Variants in GABRG1 observed in about 807,000 individuals in gnomAD.
GABRG1 encodes the protein gamma-aminobutyric acid receptor subunit gamma-1.
GABRG1 carries 49 observed loss-of-function variants against 49.8 expected under a neutral mutation model. The observed-to-expected ratio is 0.98, with a 90% CI of 0.78 to 1.25. GABRG1 has a LOEUF of 1.25. GABRG1 is among the 50% of genes most tolerant of loss of function. The pLI is 0.00. For synonymous variants in GABRG1, 232 were observed against 185.1 expected (o/e 1.25, Z -2.06); for missense variants, 552 against 552.3 (o/e 1.00, Z 0.01).
intron 8 of GABRG1, 135 bp from the exon 9 acceptor site, chr4:46,041,389 C>A: frequency 1.4e-6 from 1 of 726,106 alleles, no homozygotes; most frequent in African/African-American, 1.8e-5. Context: ...CAAGTATTTT[C>A]AATTATAACA....
At chr4:46,064,585 C>G in intron 4 of GABRG1, 62 bp from the exon 5 acceptor site, 1 of 818,222 alleles carries the variant, frequency 1.2e-6, no homozygotes. Flanking sequence ...TAAAAATCTC[C>G]TGTCTCATTT....
chr4:46,104,488 C>T lies in GABRG1; in HGVS notation c.105-7139G>A, dbSNP rs145609384. 2.5e-3 allele frequency among the ~76,000 whole-genome samples: 377 copies of T among 151,514 alleles called. 1 individual carries two copies. The highest frequency in any genetic ancestry group is 8.9e-3 in the African/African-American group (368 of 41,430). On this transcript the variant is annotated intron_variant, in intron 1 of 8. Coordinates refer to ENST00000295452, the MANE Select transcript of GABRG1 (RefSeq NM_173536.4). Reference sequence around the variant, plus strand: ...ACATTTTAGCATATACCTATGTATCCTTGAATGACACAACGTTACATATAG... The same window carrying T: ...ACATTTTAGCATATACCTATGTATCTTTGAATGACACAACGTTACATATAG...
chr4:46,096,466 A>C lies in GABRG1; in HGVS notation c.253+735T>G, dbSNP rs1461038699. Among the ~76,000 whole-genome samples the C allele has an allele frequency of 2.0e-5, 3 of 151,652 alleles. No individual in the cohort carries two copies. The Admixed American group carries it at 2.0e-4, about 10-fold the overall frequency. On this transcript the variant is annotated intron_variant, in intron 2 of 8. Coordinates refer to ENST00000295452, the MANE Select transcript of GABRG1 (RefSeq NM_173536.4). ...AGAAATTCACTGCCCATATAGATAC[A>C]TAGCAAATACTACTAATATATGATG...
chr4:46,114,853 C>A (rs4591645), intron 1 of GABRG1, among the ~76,000 whole-genome samples: 84,132 of 150,398 alleles, frequency 0.56, 24,913 homozygotes, highest in African/African-American at 0.75. Flanking sequence ...GAAGAAAAAA[C>A]CTTACTCATT....
At chr4:46,104,888 A>G (rs111321920) in intron 1 of GABRG1, among the ~76,000 whole-genome samples, 3 of 151,624 alleles carry the variant, frequency 2.0e-5, no homozygotes, top group African/African-American at 7.2e-5. Flanking sequence ...TGGGATTTGT[A>G]CAAATCCTTA....
chr4:46,097,430 T>G, intron 1 of GABRG1, 81 bp from the exon 2 acceptor site: 1 of 1,355,314 alleles, frequency 7.4e-7, no homozygotes, highest in Non-Finnish European at 1.0e-6. Context: ...TATGTTACAA[T>G]TGAGTAAGAA....
intron 1 of GABRG1, among the ~76,000 whole-genome samples, chr4:46,118,122 G>A (rs867837749): frequency 8.5e-4 from 75 of 88,722 alleles, no homozygotes; most frequent in African/African-American, 4.1e-3. Flanking sequence ...ACATATATAC[G>A]TGTGTGTGTG....
At chr4:46,051,746 A>G (rs946806348) in intron 7 of GABRG1, 108 bp from the exon 8 acceptor site, 4 of 613,906 alleles carry the variant, frequency 6.5e-6, no homozygotes, top group Non-Finnish European at 1.1e-5. Context: ...AAACAAAAAT[A>G]TGATTACTAG....
chr4:46,041,569 T>C (rs1002898635), intron 8 of GABRG1, among the ~76,000 whole-genome samples: 1 of 152,018 alleles, frequency 6.6e-6, no homozygotes, highest in African/African-American at 2.4e-5. Flanking sequence ...GTATATTCTA[T>C]TTTATATTAA....
chr4:46,050,534 T>C (rs1361900055), intron 8 of GABRG1, among the ~76,000 whole-genome samples: 5 of 151,914 alleles, frequency 3.3e-5, no homozygotes, highest in Admixed American at 2.0e-4. Context: ...TTCTCATTTA[T>C]TTGAGTATTT....
intron 3 of GABRG1, among the ~76,000 whole-genome samples, chr4:46,066,328 TAC>T (rs1718921157): frequency 3.3e-5 from 5 of 152,206 alleles, no homozygotes; most frequent in Admixed American, 3.3e-4. Context: ...TATTTATATC[TAC>T]TGTTTTTAAA....
intron 1 of GABRG1, among the ~76,000 whole-genome samples, chr4:46,119,388 A>G (rs1721027944): frequency 6.6e-6 from 1 of 151,604 alleles, no homozygotes; most frequent in East Asian, 1.9e-4. Flanking sequence ...AAATGCAGGC[A>G]GGGGTATAGA....
chr4:46,122,451 G>A (rs1004031490), intron 1 of GABRG1, among the ~76,000 whole-genome samples: 11 of 151,454 alleles, frequency 7.3e-5, no homozygotes, highest in Admixed American at 6.6e-4. Context: ...AAGCCATTAC[G>A]ACACAATATA....
rs202206064 is a variant in GABRG1, at chr4:46,105,778, A to G, written c.105-8429T>C. ...AGCAGTTAGATAGATAGATGGATGG[A>G]TGGGTAGATAGATGATAGATAGATA... On this transcript the variant is annotated intron_variant, in intron 1 of 8. Transcript: ENST00000295452. 3.9e-5 allele frequency among the ~76,000 whole-genome samples: 5 copies of G among 127,922 alleles called. No homozygotes were observed. The Admixed American group carries it at 4.2e-4, about 11-fold the overall frequency. 83.9% of individuals were successfully genotyped at this position (127,922 alleles called of 152,430 possible).
intron 3 of GABRG1, among the ~76,000 whole-genome samples, chr4:46,067,894 A>G (rs1435392354): frequency 1.3e-5 from 2 of 152,142 alleles, no homozygotes; most frequent in African/African-American, 4.8e-5. Flanking sequence ...ACCCTTATAC[A>G]CAACATCACT....
chr4:46,039,817 CTCTT>C lies in GABRG1; in HGVS notation c.*1167_*1170del, dbSNP rs1226107708. 2.6e-5 allele frequency: 4 copies of C among 151,452 alleles called. No individual in the cohort carries two copies. Among genetic ancestry groups the C allele is most frequent in the Non-Finnish European group, 5.9e-5 (4 of 67,722 alleles). 9.4% of individuals were successfully genotyped at this position (151,452 alleles called of 1,614,324 possible). A position where few individuals can be genotyped will look rare whatever the true frequency, so the allele number is the denominator to read the frequency against. On this transcript the variant is annotated 3_prime_UTR_variant, in exon 9 of 9. Coordinates refer to ENST00000295452, the MANE Select transcript of GABRG1 (RefSeq NM_173536.4). The stretch of plus-strand genomic sequence containing the variant: ...TTAAAGATGCCTCTAACAAAACTCC[CTCTT>C]TAACATGATTTTGAGGCTGCCCCCA...
chr4:46,123,356 G>A (rs1170989712), intron 1 of GABRG1, among the ~76,000 whole-genome samples: 1 of 152,040 alleles, frequency 6.6e-6, no homozygotes, highest in Non-Finnish European at 1.5e-5. Context: ...TACCAAAAAC[G>A]AGGAAAGGGG....
chr4:46,112,208 A>G (rs990660748), intron 1 of GABRG1, among the ~76,000 whole-genome samples: 1 of 151,378 alleles, frequency 6.6e-6, no homozygotes, highest in Non-Finnish European at 1.5e-5. Flanking sequence ...AAAAGAAGAC[A>G]TAGAGGTGGC....
In GABRG1 at chr4:46,038,699, T is replaced by C. The variant is rs1002475684; in HGVS notation, c.*2289A>G. ...TAGTTTTACCTTTTTATTCTTATTT[T>C]TAGAAATAATAAGATTTGTACGCCA... On this transcript the variant is annotated 3_prime_UTR_variant, in exon 9 of 9. Coordinates refer to ENST00000295452, the MANE Select transcript of GABRG1 (RefSeq NM_173536.4). 5.9e-5 allele frequency: 9 copies of C among 151,796 alleles called. No individual in the cohort carries two copies. Among genetic ancestry groups the C allele is most frequent in the African/African-American group, 2.2e-4 (9 of 41,544 alleles). The allele number at this position is 151,796 out of a possible 1,614,324, so 9.4% of individuals were successfully genotyped here.
Sources: gnomAD v4.1 joint callset for allele counts (sites outside exome capture counted in the v4.1 genomes callset) on GRCh38, gnomAD v4.1.1 for gene constraint, MANE v1.5 for transcripts, NCBI Gene and HGNC (gene_info 2026-07-23, HGNC 2026-07-21) for gene names.